Variants in SHISA6 observed in about 807,000 individuals in gnomAD.
SHISA6 encodes the protein shisa family member 6.
A neutral mutation model predicts 47.9 loss-of-function variants in SHISA6; 22 were observed. That is an observed-to-expected ratio of 0.46 (90% confidence interval 0.33 to 0.66). The LOEUF is 0.66. Ranked by LOEUF, SHISA6 falls within the 30% of genes least tolerant of loss-of-function variation. The pLI, the probability that SHISA6 is intolerant of heterozygous loss-of-function variation, is 0.02. For synonymous variants in SHISA6, 388 were observed against 337.8 expected, an observed-to-expected ratio of 1.15 and a Z score of -1.63; for missense variants, 680 against 764.6, an observed-to-expected ratio of 0.89 and a Z score of 1.30.
At chr17:11,284,748 C>T (rs1163622245) in intron 2 of SHISA6, among the ~76,000 whole-genome samples, 3 of 152,172 alleles carry the variant, frequency 2.0e-5, no homozygotes, top group Non-Finnish European at 4.4e-5. Context: ...CTGTATTAGA[C>T]TTCTATAGCA....
intron 2 of SHISA6, among the ~76,000 whole-genome samples, chr17:11,342,426 T>C (rs965744165): frequency 9.9e-5 from 15 of 151,800 alleles, no homozygotes; most frequent in East Asian, 1.9e-4. Context: ...GGTGGAGATA[T>C]GGAGAGAAGG....
intron 2 of SHISA6, among the ~76,000 whole-genome samples, chr17:11,285,622 G>T (rs963666216): frequency 3.2e-4 from 49 of 152,288 alleles, no homozygotes; most frequent in African/African-American, 1.2e-3. Flanking sequence ...GATGGGACAG[G>T]AATCAATTTC....
intron 2 of SHISA6, among the ~76,000 whole-genome samples, chr17:11,267,991 G>A (rs1266336903): frequency 6.6e-6 from 1 of 152,126 alleles, no homozygotes; most frequent in Non-Finnish European, 1.5e-5. Context: ...CGTAGATGGG[G>A]AGCAGGAGAG....
chr17:11,457,888 A>T (rs1339612814), intron 3 of SHISA6, among the ~76,000 whole-genome samples: 2 of 152,074 alleles, frequency 1.3e-5, no homozygotes, highest in African/African-American at 4.8e-5. Flanking sequence ...GATTGAGACC[A>T]TCCTGGCTAA....
chr17:11,257,605 G>A (rs1012044576), intron 1 of SHISA6, among the ~76,000 whole-genome samples: 4 of 150,402 alleles, frequency 2.7e-5, no homozygotes, highest in Admixed American at 1.3e-4. Flanking sequence ...AGGCTGCAGC[G>A]AGCCGTGATC....
intron 3 of SHISA6, among the ~76,000 whole-genome samples, chr17:11,431,455 T>C (rs913384703): frequency 3.3e-5 from 5 of 152,200 alleles, no homozygotes. Flanking sequence ...AGATGTAATA[T>C]TTTCAACTGC....
chr17:11,542,984 A>G (rs2071846522), intron 3 of SHISA6, among the ~76,000 whole-genome samples: 1 of 152,196 alleles, frequency 6.6e-6, no homozygotes, highest in Non-Finnish European at 1.5e-5. Flanking sequence ...CTCCCAGAGC[A>G]GCTTGATTTC....
At chr17:11,324,564 C>T (rs11868578) in intron 2 of SHISA6, among the ~76,000 whole-genome samples, 41,092 of 151,510 alleles carry the variant, frequency 0.27, 6,471 homozygotes, top group Non-Finnish European at 0.35. Flanking sequence ...GGGTGGTAGG[C>T]GGGGTATTGG....
Position 11,526,880 on chromosome 17 carries a change from CATATATATATATAT to C in SHISA6, c.896-24973_896-24960del, listed in dbSNP as rs149856154. Among the ~76,000 whole-genome samples the C allele has an allele frequency of 1.5e-3, 171 of 111,768 alleles. 1 individual carries two copies. Among genetic ancestry groups the C allele is most frequent in the South Asian group, 5.3e-3 (18 of 3,426 alleles). The allele number at this position is 111,768 out of a possible 152,430, so 73.3% of individuals were successfully genotyped here. Reference sequence around the variant, plus strand: ...CTTGATGCCTCAAGCTATCTATCATCATATATATATATATATATATATATATATATATATATATA... The same window carrying C: ...CTTGATGCCTCAAGCTATCTATCATCATATATATATATATATATATATATA... On this transcript the variant is annotated intron_variant, in intron 3 of 5. Coordinates refer to ENST00000441885, the MANE Select transcript of SHISA6 (RefSeq NM_207386.4).
chr17:11,388,907 C>G (rs1051271323), intron 3 of SHISA6, among the ~76,000 whole-genome samples: 4 of 146,160 alleles, frequency 2.7e-5, no homozygotes, highest in African/African-American at 5.1e-5. Context: ...TTTGCAAGTT[C>G]AGCCATTTTG....
chr17:11,521,105 T>G (rs2071625766), intron 3 of SHISA6, among the ~76,000 whole-genome samples: 1 of 152,234 alleles, frequency 6.6e-6, no homozygotes, highest in Admixed American at 6.5e-5. Context: ...AGATAGACTT[T>G]TCTGGTCATG....
At chr17:11,323,573 G>C (rs1259962874) in intron 2 of SHISA6, among the ~76,000 whole-genome samples, 1 of 152,030 alleles carries the variant, frequency 6.6e-6, no homozygotes, top group Non-Finnish European at 1.5e-5. Context: ...AGAATCTCTT[G>C]AACCCGGGAG....
chr17:11,358,033 C>T (rs937592951), intron 2 of SHISA6, among the ~76,000 whole-genome samples: 12 of 152,198 alleles, frequency 7.9e-5, no homozygotes, highest in East Asian at 1.9e-4. Context: ...TTTTTAATTA[C>T]GGTAAAATAT....
At chr17:11,427,527 C>T (rs2969210) in intron 3 of SHISA6, among the ~76,000 whole-genome samples, 44,970 of 151,904 alleles carry the variant, frequency 0.3, 7,077 homozygotes, top group East Asian at 0.51. Context: ...ACCATTATAC[C>T]GACACCCTCA....
intron 2 of SHISA6, among the ~76,000 whole-genome samples, chr17:11,317,931 T>TA (rs1357743244): frequency 2.0e-4 from 31 of 152,304 alleles, no homozygotes; most frequent in African/African-American, 7.0e-4. Flanking sequence ...CCTTTTTACT[T>TA]ATCCCTCAGC....
At chr17:11,500,424 T>C (rs2071441925) in intron 3 of SHISA6, among the ~76,000 whole-genome samples, 1 of 152,218 alleles carries the variant, frequency 6.6e-6, no homozygotes, top group Non-Finnish European at 1.5e-5. Flanking sequence ...TGTGTACTCA[T>C]ATAAAGCTGC....
chr17:11,331,954 A>T (rs570515010), intron 2 of SHISA6, among the ~76,000 whole-genome samples: 1 of 152,060 alleles, frequency 6.6e-6, no homozygotes, highest in African/African-American at 2.4e-5. Flanking sequence ...ACAGATGCTC[A>T]CACTGCCGGT....
At chr17:11,290,195 T>C (rs1321887155) in intron 2 of SHISA6, 2 of 149,216 alleles carry the variant, frequency 1.3e-5, no homozygotes, top group African/African-American at 2.5e-5. Context: ...TTATACCCAA[T>C]TTTGGAAATT....
chr17:11,292,500 C>A (rs1247080833), intron 2 of SHISA6, among the ~76,000 whole-genome samples: 1 of 152,090 alleles, frequency 6.6e-6, no homozygotes, highest in Non-Finnish European at 1.5e-5. Flanking sequence ...GGGGAGCACA[C>A]AATTCAGCTC....
Sources: gnomAD v4.1 joint callset for allele counts (sites outside exome capture counted in the v4.1 genomes callset) on GRCh38, gnomAD v4.1.1 for gene constraint, MANE v1.5 for transcripts, NCBI Gene and HGNC (gene_info 2026-07-23, HGNC 2026-07-21) for gene names.